Variants in FBLN7 observed in about 807,000 individuals in gnomAD.
The protein encoded by FBLN7 is fibulin 7, also known as fibulin-7.
A neutral mutation model predicts 44.0 loss-of-function variants in FBLN7; 31 were observed. The ratio of observed to expected loss-of-function variants is 0.70; its 90% CI spans 0.53 to 0.95. FBLN7 has a LOEUF of 0.95. Among genes scored for constraint, FBLN7 ranks in the 40% least tolerant of loss-of-function variants. The probability of loss-of-function intolerance (pLI) is 0.00; values close to 1 mark genes in which losing one functional copy is unlikely to be tolerated. For synonymous variants in FBLN7, 262 were observed against 253.4 expected (o/e 1.03, Z -0.32); for missense variants, 573 against 618.5 (o/e 0.93, Z 0.78).
At chr2:112,181,960 G>A in intron 5 of FBLN7, 84 bp downstream of exon 5, 1 of 1,448,392 alleles carries the variant, frequency 6.9e-7, no homozygotes. Flanking sequence ...CCGCCCTCCT[G>A]CCGGCACGGG....
chr2:112,160,772 A>ACACAC (rs1681788113), intron 2 of FBLN7, among the ~76,000 whole-genome samples: 1 of 38,784 alleles, frequency 2.6e-5, no homozygotes, highest in African/African-American at 1.2e-4. Flanking sequence ...ACGCACACGC[A>ACACAC]GACGCACACG....
At chr2:112,178,912 C>T (rs552548393) in intron 4 of FBLN7, among the ~76,000 whole-genome samples, 88 of 152,356 alleles carry the variant, frequency 5.8e-4, no homozygotes, top group African/African-American at 1.9e-3. Flanking sequence ...TGGGCATTCT[C>T]CTTGAAAACT....
At chr2:112,206,898 G>A in the FBLN7 span, among the ~76,000 whole-genome samples, 1 of 150,762 alleles carries the variant, frequency 6.6e-6, no homozygotes. Flanking sequence ...ATGCCTGGCA[G>A]ATTAAAAAAA....
the FBLN7 span, among the ~76,000 whole-genome samples, chr2:112,237,386 T>C: frequency 3.0e-4 from 45 of 152,198 alleles, 3 homozygotes; most frequent in Non-Finnish European, 2.9e-5. Flanking sequence ...CATAAATTAC[T>C]GTCAGATTTT....
chr2:112,186,385 A>G (rs1257405695), intron 7 of FBLN7, among the ~76,000 whole-genome samples: 2 of 152,206 alleles, frequency 1.3e-5, no homozygotes, highest in African/African-American at 4.8e-5. Flanking sequence ...TATGCTTATA[A>G]TTCGAGCACT....
intron 1 of FBLN7, among the ~76,000 whole-genome samples, chr2:112,144,021 CTTTTA>C (rs1680779497): frequency 6.6e-6 from 1 of 152,118 alleles, no homozygotes; most frequent in Admixed American, 6.5e-5. Context: ...CACAAAATAT[CTTTTA>C]TTATTTTCAC....
rs375738878 is a variant in FBLN7 at position 112,156,299 on chromosome 2, T to A, written c.76-3377T>A. Among the ~76,000 whole-genome samples, 13 of 152,278 alleles carry A rather than the reference T, an allele frequency of 8.5e-5. No homozygotes were observed. The East Asian group carries it at 1.4e-3, about 16-fold the overall frequency. The stretch of plus-strand genomic sequence containing the variant: ...GGGGCTGGGTGGGAGTCAGACTTCC[T>A]GGCCTGGCTCTACTGCTCCTAAGCC... On this transcript the variant is annotated intron_variant, in intron 1 of 7. Coordinates refer to ENST00000331203, the MANE Select transcript of FBLN7 (RefSeq NM_153214.3).
At chr2:112,183,187 T>C (rs1220776600) in intron 6 of FBLN7, among the ~76,000 whole-genome samples, 1 of 152,230 alleles carries the variant, frequency 6.6e-6, no homozygotes, top group African/African-American at 2.4e-5. Flanking sequence ...TTTGTTTTCT[T>C]CAAGGTCTGG....
At chr2:112,180,051 C>A (rs546514877) in intron 4 of FBLN7, among the ~76,000 whole-genome samples, 6 of 152,314 alleles carry the variant, frequency 3.9e-5, no homozygotes, top group Admixed American at 1.3e-4. Flanking sequence ...AGTAAACAGA[C>A]AACCTACAGA....
At position 112,187,736 on chromosome 2, in the gene FBLN7, C is replaced by T. The variant is rs1375799271; in HGVS notation, c.*230C>T. ...TTTTTTTTCTGCTTTGAGGCCCTTC[C>T]CTTAGATTATGCACTAACTTTCTTA... On this transcript the variant is annotated 3_prime_UTR_variant, in exon 8 of 8. Coordinates refer to ENST00000331203, the MANE Select transcript of FBLN7 (RefSeq NM_153214.3). This position sits in a 1 kb window ranked among gnomAD's most constrained non-coding sequence, Gnocchi z 5.1. The T allele has an allele frequency of 3.5e-6, 2 of 578,742 alleles. No homozygotes were observed. Among genetic ancestry groups the T allele is most frequent in the Non-Finnish European group, 3.0e-6 (1 of 334,686 alleles). The allele number at this position is 578,742 out of a possible 1,614,324, so 35.9% of individuals were successfully genotyped here.
chr2:112,174,215 C>T (rs1247183756), intron 3 of FBLN7, among the ~76,000 whole-genome samples: 1 of 152,204 alleles, frequency 6.6e-6, no homozygotes, highest in Non-Finnish European at 1.5e-5. Context: ...CTCTAAGCAA[C>T]CCCAAGCATT....
rs1198098325 is a variant in FBLN7 at position 112,159,656 on chromosome 2, G to A, written c.76-20G>A. On this transcript the variant is annotated intron_variant, in intron 1 of 7. Transcript: ENST00000331203. ...GAGTCAGTCTCAATGGGTGGTGGCG[G>A]CGATGTCTTCTCTCCGCAGAACTGT... The A allele has an allele frequency of 1.3e-6, 2 of 1,499,380 alleles. No homozygotes were observed. Among genetic ancestry groups the A allele is most frequent in the South Asian group, 1.3e-5 (1 of 77,856 alleles). The allele number at this position is 1,499,380 out of a possible 1,614,324, so 92.9% of individuals were successfully genotyped here. A position where few individuals can be genotyped will look rare whatever the true frequency, so the allele number is the denominator to read the frequency against.
the FBLN7 span, among the ~76,000 whole-genome samples, chr2:112,207,110 A>G: frequency 1.3e-5 from 2 of 152,152 alleles, no homozygotes; most frequent in Non-Finnish European, 2.9e-5. Flanking sequence ...TAAATTTGTT[A>G]AGTTTTATTT....
intron 1 of FBLN7, among the ~76,000 whole-genome samples, chr2:112,153,714 G>A (rs1365746535): frequency 6.6e-6 from 1 of 152,208 alleles, no homozygotes; most frequent in Admixed American, 6.5e-5. Flanking sequence ...TGGACCAGGA[G>A]GTAGGGTCTG....
At chr2:112,168,716 C>T (rs1003529889) in intron 3 of FBLN7, among the ~76,000 whole-genome samples, 1 of 152,202 alleles carries the variant, frequency 6.6e-6, no homozygotes, top group Admixed American at 6.5e-5. Flanking sequence ...AACTTACCAG[C>T]AACCACTGAG....
chr2:112,170,913 G>C (rs1361303505), intron 3 of FBLN7, among the ~76,000 whole-genome samples: 2 of 152,208 alleles, frequency 1.3e-5, no homozygotes, highest in African/African-American at 4.8e-5. Context: ...GATGGAATTT[G>C]CTGCCATCCC....
At chr2:112,207,192 C>G in the FBLN7 span, among the ~76,000 whole-genome samples, 8 of 152,152 alleles carry the variant, frequency 5.3e-5, no homozygotes, top group Non-Finnish European at 1.0e-4. Context: ...TTTGGCCAGG[C>G]AAGGTGGCTC....
chr2:112,157,930 G>C (rs533088657), intron 1 of FBLN7, among the ~76,000 whole-genome samples: 1 of 141,590 alleles, frequency 7.1e-6, no homozygotes, highest in African/African-American at 2.7e-5. Flanking sequence ...ACGGAGTCTC[G>C]CTGTCGCCCA....
In FBLN7 at chr2:112,181,747, G is replaced by A. The variant is rs1683006184; in HGVS notation, c.541G>A (p.Glu181Lys). Residue 181 changes from glutamate (E) to lysine (K), a missense_variant, in exon 5 of 8, where the codon GAG (glutamate) becomes AAG (lysine). Transcript: ENST00000331203. ...GTGTCTTCTCCCCGCAGCCGCCCCCGAGGGCAGCGTGGCCGGCGACTCCGC... is the reference window on the plus strand; with the variant it reads ...GTGTCTTCTCCCCGCAGCCGCCCCCAAGGGCAGCGTGGCCGGCGACTCCGC... ...CQHQAQTAAP[E>K]GSVAGDSAFS... The A allele has an allele frequency of 5.0e-6, 7 of 1,393,608 alleles. No homozygotes were observed. Among genetic ancestry groups the A allele is most frequent in the African/African-American group, 1.5e-5 (1 of 66,184 alleles). The allele number at this position is 1,393,608 out of a possible 1,614,324, so 86.3% of individuals were successfully genotyped here. A position where few individuals can be genotyped will look rare whatever the true frequency, so the allele number is the denominator to read the frequency against.
Sources: gnomAD v4.1 joint callset for allele counts (sites outside exome capture counted in the v4.1 genomes callset) on GRCh38, gnomAD v4.1.1 for gene constraint, Gnocchi (gnomAD v3.1) non-coding constraint, MANE v1.5 for transcripts, NCBI Gene and HGNC (gene_info 2026-07-23, HGNC 2026-07-21) for gene names.